The following CMIP variants were observed in gnomAD, a reference collection of about 807,000 sequenced individuals.
CMIP encodes the protein C-Maf-inducing protein.
Under a neutral mutation model 97.3 loss-of-function variants are expected in CMIP, and 13 were observed. The observed-to-expected ratio is 0.13, with a 90% CI of 0.09 to 0.21. The LOEUF is 0.21. Ranked by LOEUF, CMIP falls within the 10% of genes least tolerant of loss-of-function variation. The pLI, the probability that CMIP is intolerant of heterozygous loss-of-function variation, is 1.00. For missense variants in CMIP, 847 were observed against 1,024.9 expected (o/e 0.83, Z 2.37); for synonymous variants, 538 against 436.3 (o/e 1.23, Z -2.91).
rs1174797600 is a variant in CMIP, at chr16:81,482,855, C to T, written c.300+37314C>T. Among the ~76,000 whole-genome samples, 7 of 152,202 alleles carry T rather than the reference C, an allele frequency of 4.6e-5. No individual in the cohort carries two copies. The South Asian group carries it at 1.2e-3, about 27-fold the overall frequency. On this transcript the variant is annotated intron_variant, in intron 1 of 20. Transcript: ENST00000537098. ...GATAGGGCCTGACTCACAGGGTCAG[C>T]CCTGGGGTCAGCGAGGCAGGTCATG... is the stretch of plus-strand genomic sequence containing the variant.
At chr16:81,705,391 C>T in intron 18 of CMIP, 108 bp from the exon 19 acceptor site, 1 of 783,324 alleles carries the variant, frequency 1.3e-6, no homozygotes, top group African/African-American at 1.7e-5. Context: ...GGCCATGGGC[C>T]TCAGAGCCAG....
intron 6 of CMIP, among the ~76,000 whole-genome samples, chr16:81,663,116 T>G (rs1029643970): frequency 4.6e-5 from 7 of 151,932 alleles, no homozygotes; most frequent in African/African-American, 1.7e-4. Context: ...AAAAAAAATT[T>G]TAAGGCTATG....
chr16:81,446,642 C>G (rs1162517894), intron 1 of CMIP, among the ~76,000 whole-genome samples: 1 of 152,120 alleles, frequency 6.6e-6, no homozygotes, highest in Admixed American at 6.5e-5. Flanking sequence ...GGGGCCGAAT[C>G]CACTGCCTGC....
Position 81,553,192 on chromosome 16 carries a change from C to T in CMIP, c.301-54375C>T, listed in dbSNP as rs898235423. Among the ~76,000 whole-genome samples, 6 of 152,172 alleles carry T rather than the reference C, an allele frequency of 3.9e-5. No homozygotes were observed. In the South Asian group the frequency reaches 6.2e-4, roughly 16 times the overall value. On this transcript the variant is annotated intron_variant, in intron 1 of 20. Transcript: ENST00000537098. ...TTTCTTCCACCCTGACTGTGGCCTG[C>T]TCCGTTTCGCAGATTGCTCATCCCC... is the stretch of plus-strand genomic sequence containing the variant.
intron 1 of CMIP, among the ~76,000 whole-genome samples, chr16:81,500,620 C>T (rs1344142645): frequency 1.3e-5 from 2 of 151,708 alleles, no homozygotes; most frequent in Non-Finnish European, 2.9e-5. Context: ...TCCTGAGTAG[C>T]TGGGACTACA....
chr16:81,652,182 C>T lies in CMIP; in HGVS notation c.478-21C>T, dbSNP rs1597199430. On this transcript the variant is annotated intron_variant, in intron 3 of 20. Coordinates refer to ENST00000537098, the MANE Select transcript of CMIP (RefSeq NM_198390.3). The surrounding 1 kb of genome is among the most constrained non-coding windows in gnomAD (Gnocchi z 5.2). ...CCTTACGTGAGTAACATGTTGCTGT[C>T]TCTTTATCTCTTTCAACCAGAAAAA... 2 of 1,596,630 alleles carry T rather than the reference C, an allele frequency of 1.3e-6. No homozygotes were observed. Among genetic ancestry groups the T allele is most frequent in the East Asian group, 4.5e-5 (2 of 44,786 alleles).
At position 81,645,773 on chromosome 16, in the gene CMIP, C is replaced by T. The variant is rs991173086; in HGVS notation, c.478-6430C>T. ...TCTACCTCCCTGGACTACTCCTTTA[C>T]AGAACTTGGTAGGTGAAAACAATCA... On this transcript the variant is annotated intron_variant, in intron 3 of 20. Transcript: ENST00000537098. 5 of 681,202 alleles carry T rather than the reference C, an allele frequency of 7.3e-6. No homozygotes were observed. In the African/African-American group the frequency reaches 8.9e-5, roughly 12 times the overall value. The allele number at this position is 681,202 out of a possible 1,614,324, so 42.2% of individuals were successfully genotyped here.
At chr16:81,699,107 G>A (rs148677465) in intron 14 of CMIP, among the ~76,000 whole-genome samples, 14 of 152,212 alleles carry the variant, frequency 9.2e-5, no homozygotes, top group African/African-American at 3.4e-4. Flanking sequence ...AAATAAATTA[G>A]CCAGGTATGG....
chr16:81,535,244 G>T (rs1327582587), intron 1 of CMIP, among the ~76,000 whole-genome samples: 1 of 152,044 alleles, frequency 6.6e-6, no homozygotes, highest in Non-Finnish European at 1.5e-5. Flanking sequence ...GCCACCACGT[G>T]GCCCATAATT....
intron 20 of CMIP, 86 bp from the exon 21 acceptor site, chr16:81,709,660 G>A (rs1908541102): frequency 1.4e-6 from 2 of 1,474,844 alleles, no homozygotes; most frequent in African/African-American, 1.4e-5. Flanking sequence ...GAGACCCCCA[G>A]CCGGCAATGC....
At chr16:81,526,313 A>G (rs1466685395) in intron 1 of CMIP, among the ~76,000 whole-genome samples, 2 of 152,220 alleles carry the variant, frequency 1.3e-5, no homozygotes, top group Admixed American at 1.3e-4. Context: ...ATGGTCACCA[A>G]CCTGTAACTG....
chr16:81,451,690 C>T (rs897736547), intron 1 of CMIP, among the ~76,000 whole-genome samples: 1 of 152,188 alleles, frequency 6.6e-6, no homozygotes, highest in South Asian at 2.1e-4. Flanking sequence ...ACTTGGTCTT[C>T]CCTGCAGCTG....
chr16:81,601,416 C>CT (rs2091655488), intron 1 of CMIP, among the ~76,000 whole-genome samples: 1 of 152,116 alleles, frequency 6.6e-6, no homozygotes, highest in Admixed American at 6.5e-5. Context: ...GGGGCTCTTT[C>CT]TGGGGGGGTC....
intron 3 of CMIP, among the ~76,000 whole-genome samples, chr16:81,647,477 C>T (rs1035133395): frequency 6.6e-6 from 1 of 152,180 alleles, no homozygotes; most frequent in African/African-American, 2.4e-5. Flanking sequence ...TAAGTCAGCC[C>T]CTTTCTGTGA....
chr16:81,559,702 T>C (rs978532810), intron 1 of CMIP, among the ~76,000 whole-genome samples: 6 of 152,236 alleles, frequency 3.9e-5, no homozygotes, highest in African/African-American at 1.4e-4. Flanking sequence ...GTATGCACAG[T>C]GCATAAGACT....
At chr16:81,564,790 A>G (rs2090949954) in intron 1 of CMIP, among the ~76,000 whole-genome samples, 1 of 152,178 alleles carries the variant, frequency 6.6e-6, no homozygotes, top group Non-Finnish European at 1.5e-5. Context: ...TTCGATGAAT[A>G]TTTGATGAGT....
intron 17 of CMIP, 76 bp from the exon 18 acceptor site, chr16:81,703,862 AG>A: frequency 1.3e-6 from 2 of 1,493,632 alleles, no homozygotes; most frequent in Non-Finnish European, 8.9e-7. Context: ...GGAGAGGAGG[AG>A]GATAGGGGAT....
At chr16:81,506,342 A>G (rs1178895867) in intron 1 of CMIP, among the ~76,000 whole-genome samples, 2 of 152,152 alleles carry the variant, frequency 1.3e-5, no homozygotes, top group Non-Finnish European at 2.9e-5. Flanking sequence ...AAGTTTTCTG[A>G]CCTTCACAAA....
intron 1 of CMIP, among the ~76,000 whole-genome samples, chr16:81,454,362 C>T (rs753269173): frequency 6.6e-6 from 1 of 152,170 alleles, no homozygotes; most frequent in Non-Finnish European, 1.5e-5. Context: ...AGGTCTGACC[C>T]CGTGTCTGTG....
Sources: allele counts gnomAD v4.1 joint callset (sites outside exome capture counted in the v4.1 genomes callset), GRCh38; gene constraint gnomAD v4.1.1; non-coding constraint Gnocchi (gnomAD v3.1); transcripts MANE v1.5; gene names NCBI Gene and HGNC (gene_info 2026-07-23, HGNC 2026-07-21).